TEX15: variants seen among roughly 807,000 people sequenced by gnomAD.
TEX15 encodes testis expressed 15, meiosis and synapsis associated.
In TEX15, 171 loss-of-function variants were observed where a neutral mutation model predicts 237.3. That is an observed-to-expected ratio of 0.72 (90% CI 0.64 to 0.82). The LOEUF (loss-of-function observed/expected upper bound fraction) is 0.82, where lower values mean the gene tolerates loss of function less well. TEX15 is among the 40% of genes least tolerant of loss of function. The probability of loss-of-function intolerance (pLI) is 0.00; values close to 1 mark genes in which losing one functional copy is unlikely to be tolerated. For synonymous variants in TEX15, 1,338 were observed against 1,269.8 expected, an observed-to-expected ratio of 1.05 and a Z score of -1.14; for missense variants, 3,750 against 3,646.5, an observed-to-expected ratio of 1.03 and a Z score of -0.73.
chr8:30,837,214 A>G lies in TEX15; in HGVS notation c.9070T>C (p.Cys3024Arg). 6.2e-7 allele frequency: 1 copy of G among 1,614,184 alleles called. No individual in the cohort carries two copies. The highest frequency in any genetic ancestry group is 1.7e-5 in the Admixed American group (1 of 60,020). The change falls in exon 10 of 11, where the codon TGT becomes CGT. Residue 3024 changes from cysteine (C) to arginine (R), a missense_variant. Cys to Arg is a radical substitution (Grantham distance 180). Transcript: ENST00000643185. ...TYWNELPQSA[C>R]NPTYNSSEHL... is the part of the protein sequence containing the mutation. ...TCAGAAGAATTATATGTTGGGTTAC[A>G]TGCAGACTGTGGAAGTTCATTCCAA...
At chr8:30,887,909 TATATATATATATATATATA>T (rs1270343742) in intron 2 of TEX15, 1 of 141,746 alleles carries the variant, frequency 7.1e-6, no homozygotes, top group Non-Finnish European at 1.5e-5. Context: ...TATATATATA[TATATATATATATATATATA>T]TGAATTTTTG....
rs751468452 is a variant in TEX15 at position 30,844,895 on chromosome 8, C to G, written c.5272G>C (p.Glu1758Gln). Residue 1758 changes from glutamate to glutamine, a missense_variant, in exon 8 of 11, where the codon GAG becomes CAG. Transcript: ENST00000643185. ...AGCTCTTTTTCTCTACAGCTCTGCT[C>G]ACAGTGTGGTACAGTACTGGATGCT... ...FAASSTVPHC[E>Q]QSCREKELLK... 11 of 1,613,454 alleles carry G rather than the reference C, an allele frequency of 6.8e-6. No homozygotes were observed. In the South Asian group the frequency reaches 1.2e-4, roughly 18 times the overall value.
At position 30,846,811 on chromosome 8, in the gene TEX15, G is replaced by C; in HGVS notation, c.3356C>G (p.Thr1119Ser). Residue 1119 changes from threonine to serine, a missense_variant, in exon 8 of 11, where the codon ACC becomes AGC. Physicochemically the swap from Thr to Ser is moderately conservative, Grantham distance 58. Coordinates refer to ENST00000643185, the MANE Select transcript of TEX15 (RefSeq NM_001350162.2). The stretch of plus-strand genomic sequence containing the variant: ...CTGATCACTATTCTCCCTTCCTGTG[G>C]TGCTTTCCAAAACTTCCATCTCCCC... The part of the protein sequence containing the change: ...DNGEMEVLES[T>S]TGRENSDQHY... 3 of 1,613,760 alleles carry C rather than the reference G, an allele frequency of 1.9e-6. No individual in the cohort carries two copies. Among genetic ancestry groups the C allele is most frequent in the Non-Finnish European group, 2.5e-6 (3 of 1,179,792 alleles).
At chr8:30,912,669 C>T (rs550971758) in intron 1 of TEX15, among the ~76,000 whole-genome samples, 2 of 152,192 alleles carry the variant, frequency 1.3e-5, no homozygotes, top group African/African-American at 4.8e-5. Context: ...GGAGGCCCAC[C>T]TTTGGCCCCA....
intron 3 of TEX15, among the ~76,000 whole-genome samples, chr8:30,884,505 T>G (rs1036064253): frequency 1.3e-5 from 2 of 152,248 alleles, no homozygotes; most frequent in Admixed American, 6.5e-5. Flanking sequence ...ATTCAATTTG[T>G]TTAATAGATA....
At chr8:30,850,125 G>C (rs945855454) in intron 7 of TEX15, among the ~76,000 whole-genome samples, 1 of 152,026 alleles carries the variant, frequency 6.6e-6, no homozygotes, top group South Asian at 2.1e-4. Flanking sequence ...GAAAAACAGG[G>C]AAAGGAAAAC....
Position 30,849,177 on chromosome 8 carries a change from T to C in TEX15, c.990A>G (p.Ser330=). 2 of 1,542,416 alleles carry C rather than the reference T, an allele frequency of 1.3e-6. No individual in the cohort carries two copies. Among genetic ancestry groups the C allele is most frequent in the Non-Finnish European group, 1.7e-6 (2 of 1,147,978 alleles). ...TATTTGAGATGAAAGGATTTATCTCTGAATTTAGTGCATTGCATAAACAGT... is the reference window on the plus strand; with the variant it reads ...TATTTGAGATGAAAGGATTTATCTCCGAATTTAGTGCATTGCATAAACAGT... ...QENCLCNALN[S]EINPFISNIS... is the part of the protein sequence containing the mutation. Residue 330 remains serine, a synonymous_variant, in exon 8 of 11, where the codon TCA becomes TCG. Coordinates refer to ENST00000643185, the MANE Select transcript of TEX15 (RefSeq NM_001350162.2).
Position 30,837,608 on chromosome 8 carries a change from C to T in TEX15, c.8676G>A (p.Ser2892=), listed in dbSNP as rs753053329. The T allele has an allele frequency of 1.1e-5, 18 of 1,613,876 alleles. No homozygotes were observed. The highest frequency in any genetic ancestry group is 8.9e-5 in the East Asian group (4 of 44,872). The change falls in exon 10 of 11, where the codon TCG becomes TCA. Residue 2892 remains serine, a synonymous_variant. Transcript: ENST00000643185. ...AACAGAAAATTGGCTTTGAGAGCAC[C>T]GACGCATCAGGCACAAGAGAAACAT... ...ETDVSLVPDA[S]VLSKPIFCFV... is the part of the protein sequence containing the mutation.
intron 7 of TEX15, among the ~76,000 whole-genome samples, chr8:30,852,841 G>A (rs549296138): frequency 1.3e-5 from 2 of 152,308 alleles, no homozygotes; most frequent in East Asian, 3.9e-4. Context: ...CAGTGATGAT[G>A]GAAATGTTAT....
intron 7 of TEX15, among the ~76,000 whole-genome samples, chr8:30,856,711 T>C (rs2128769940): frequency 6.6e-6 from 1 of 152,198 alleles, no homozygotes; most frequent in East Asian, 1.9e-4. Context: ...TAAAATAGCA[T>C]AAAATATCAA....
At chr8:30,880,078 G>C (rs1257636990) in intron 3 of TEX15, among the ~76,000 whole-genome samples, 1 of 152,052 alleles carries the variant, frequency 6.6e-6, no homozygotes, top group East Asian at 1.9e-4. Flanking sequence ...ACCCAGGCTG[G>C]AATGCAGTGG....
intron 1 of TEX15, among the ~76,000 whole-genome samples, chr8:30,910,442 T>C (rs1158907288): frequency 6.6e-6 from 1 of 152,110 alleles, no homozygotes; most frequent in Non-Finnish European, 1.5e-5. Context: ...TATGTTTGCC[T>C]AGTTCCATGA....
intron 1 of TEX15, among the ~76,000 whole-genome samples, chr8:30,911,322 T>G (rs772059166): frequency 1.6e-4 from 25 of 152,152 alleles, no homozygotes; most frequent in Non-Finnish European, 2.6e-4. Context: ...CTACTATTAT[T>G]ATTATTTTTT....
intron 7 of TEX15, among the ~76,000 whole-genome samples, chr8:30,857,203 C>T (rs1247127042): frequency 6.6e-6 from 1 of 152,108 alleles, no homozygotes; most frequent in Non-Finnish European, 1.5e-5. Flanking sequence ...AAAATGGATT[C>T]TCCAATAAAC....
rs763123330 is a variant in TEX15, at chr8:30,847,696, T to G, written c.2471A>C (p.Tyr824Ser). The change falls in exon 8 of 11, where the codon TAT becomes TCT. Residue 824 changes from tyrosine to serine, a missense_variant. Physicochemically the swap from Tyr to Ser is moderately radical, Grantham distance 144 (BLOSUM62 -2). Coordinates refer to ENST00000643185, the MANE Select transcript of TEX15 (RefSeq NM_001350162.2). ...ATCTTCAACATAAGCAGTTTCTTTATAGTCTCTCTGAATGTTCTCTAATGA... is the reference window on the plus strand; with the variant it reads ...ATCTTCAACATAAGCAGTTTCTTTAGAGTCTCTCTGAATGTTCTCTAATGA... ...PVSLENIQRD[Y>S]KETAYVEDRG... is the part of the protein sequence containing the mutation. The G allele has an allele frequency of 6.2e-7, 1 of 1,613,834 alleles. No individual in the cohort carries two copies. Among genetic ancestry groups the G allele is most frequent in the Non-Finnish European group, 8.5e-7 (1 of 1,179,938 alleles).
At chr8:30,901,015 G>C (rs1278916926) in intron 1 of TEX15, among the ~76,000 whole-genome samples, 6 of 152,184 alleles carry the variant, frequency 3.9e-5, no homozygotes, top group Non-Finnish European at 7.3e-5. Context: ...AGGCGTGCCT[G>C]TAGTCCTAGC....
chr8:30,889,954 C>CATATATATATATATATATACACAT, intron 2 of TEX15, among the ~76,000 whole-genome samples: 5 of 110,086 alleles, frequency 4.5e-5, no homozygotes, highest in Non-Finnish European at 8.8e-5. Context: ...TATATATATA[C>CATATATATATATATATATACACAT]ATATATATAT....
At chr8:30,838,773 CATATATATATATATATATATATAT>C (rs34610592) in intron 9 of TEX15, among the ~76,000 whole-genome samples, 1,507 of 65,490 alleles carry the variant, frequency 0.023, 47 homozygotes, top group African/African-American at 0.061. Flanking sequence ...TATATAAAAA[CATATATATATATATATATATATAT>C]ATATATATAT....
In TEX15 at chr8:30,836,205, G is replaced by GTTTTTTT. The variant is rs33984716; in HGVS notation, c.9481+591_9481+597dup. On this transcript the variant is annotated intron_variant, in intron 10 of 10. Transcript: ENST00000643185. ...TGGTTGCGTCACATTTCACTGTATC[G>GTTTTTTT]TTTTTTTTTTTTTTTTTTTTTTTTT... is the stretch of plus-strand genomic sequence containing the variant. 2.9e-3 allele frequency among the ~76,000 whole-genome samples: 127 copies of GTTTTTTT among 43,280 alleles called. 45 individuals carry two copies. Among genetic ancestry groups the GTTTTTTT allele is most frequent in the East Asian group, 0.01 (12 of 1,170 alleles). The allele number at this position is 43,280 out of a possible 152,430, so 28.4% of individuals were successfully genotyped here.
Sources: allele counts gnomAD v4.1 joint callset (sites outside exome capture counted in the v4.1 genomes callset), GRCh38; gene constraint gnomAD v4.1.1; transcripts MANE v1.5; gene names NCBI Gene and HGNC (gene_info 2026-07-23, HGNC 2026-07-21).